The following ZFAND3 variants were observed in gnomAD, a reference collection of about 807,000 sequenced individuals.
The protein encoded by ZFAND3 is zinc finger AN1-type containing 3.
Under a neutral mutation model 29.6 loss-of-function variants are expected in ZFAND3, and 10 were observed. That is an observed-to-expected ratio of 0.34 (90% CI 0.21 to 0.57). The LOEUF (loss-of-function observed/expected upper bound fraction) is 0.57, where lower values mean the gene tolerates loss of function less well. Among genes scored for constraint, ZFAND3 ranks in the 20% least tolerant of loss-of-function variants. The probability of loss-of-function intolerance (pLI) is 0.86; values close to 1 mark genes in which losing one functional copy is unlikely to be tolerated. For synonymous variants in ZFAND3, 128 were observed against 112.6 expected, an observed-to-expected ratio of 1.14 and a Z score of -0.87; for missense variants, 230 against 304.5, an observed-to-expected ratio of 0.76 and a Z score of 1.82.
At chr6:37,829,126 C>T (rs1056418681) in intron 1 of ZFAND3, among the ~76,000 whole-genome samples, 1 of 152,056 alleles carries the variant, frequency 6.6e-6, no homozygotes, top group Non-Finnish European at 1.5e-5. Flanking sequence ...TAAAGGTATT[C>T]TCTTACGAAG....
chr6:37,896,729 T>G (rs2127399218), intron 1 of ZFAND3, among the ~76,000 whole-genome samples: 1 of 151,714 alleles, frequency 6.6e-6, no homozygotes, highest in African/African-American at 2.4e-5. Context: ...CTTATTGAGT[T>G]TTGGCATCAA....
intron 2 of ZFAND3, among the ~76,000 whole-genome samples, chr6:37,994,325 T>TTCTAC (rs1369986745): frequency 1.3e-5 from 2 of 152,174 alleles, no homozygotes; most frequent in African/African-American, 4.8e-5. Context: ...TTAGAATGGC[T>TTCTAC]TCTACTCACA....
chr6:37,830,289 T>C (rs1282352812), intron 1 of ZFAND3, among the ~76,000 whole-genome samples: 1 of 152,100 alleles, frequency 6.6e-6, no homozygotes, highest in Non-Finnish European at 1.5e-5. Flanking sequence ...CAGAGGAAAG[T>C]AGAATGGTGG....
chr6:38,145,545 C>T (rs1030833755), intron 5 of ZFAND3, among the ~76,000 whole-genome samples: 10 of 152,220 alleles, frequency 6.6e-5, no homozygotes, highest in African/African-American at 2.4e-4. Flanking sequence ...TGGATGAGAG[C>T]ATCTGAATGA....
chr6:37,860,095 TC>T (rs1764456348), intron 1 of ZFAND3, among the ~76,000 whole-genome samples: 1 of 149,160 alleles, frequency 6.7e-6, no homozygotes, highest in Non-Finnish European at 1.5e-5. Context: ...GGTCTCGAAC[TC>T]CTGACCTCAG....
rs80076867 is a variant in ZFAND3 at position 37,919,470 on chromosome 6, G to A, written c.72-10489G>A. ...ATTATTATTTAATATTTACCAAGCC[G>A]TTTTAAAAGTTATTGACCATGGTTT... On this transcript the variant is annotated intron_variant, in intron 1 of 5. Coordinates refer to ENST00000287218, the MANE Select transcript of ZFAND3 (RefSeq NM_021943.3). Among the ~76,000 whole-genome samples, 486 of 152,012 alleles carry A rather than the reference G, an allele frequency of 3.2e-3. 10 individuals are homozygous for A. The highest frequency in any genetic ancestry group is 0.027 in the East Asian group (138 of 5,176).
At chr6:38,095,758 C>T (rs777151348) in intron 4 of ZFAND3, among the ~76,000 whole-genome samples, 3 of 152,162 alleles carry the variant, frequency 2.0e-5, no homozygotes, top group South Asian at 4.1e-4. Flanking sequence ...CAGCCAGACA[C>T]GGTGGCTCAT....
intron 3 of ZFAND3, among the ~76,000 whole-genome samples, chr6:38,079,904 C>G (rs1764627305): frequency 6.6e-6 from 1 of 152,090 alleles, no homozygotes; most frequent in African/African-American, 2.4e-5. Flanking sequence ...CCAGGACTTT[C>G]TGGGTGTTGG....
chr6:37,991,869 C>G (rs1427791363), intron 2 of ZFAND3, among the ~76,000 whole-genome samples: 2 of 152,048 alleles, frequency 1.3e-5, no homozygotes, highest in Non-Finnish European at 2.9e-5. Flanking sequence ...CAATGAAATC[C>G]TACCAGAAGG....
Position 38,153,305 on chromosome 6 carries a change from AG to A in ZFAND3, c.*917del. Reference sequence around the variant, plus strand: ...CATTTCATAGCCAACAAGAATCAGTAGAAGTGCTGGGAGCAGCAGCTGGGGA... The same window carrying A: ...CATTTCATAGCCAACAAGAATCAGTAAAGTGCTGGGAGCAGCAGCTGGGGA... On this transcript the variant is annotated 3_prime_UTR_variant, in exon 6 of 6. Coordinates refer to ENST00000287218, the MANE Select transcript of ZFAND3 (RefSeq NM_021943.3). 1.0e-6 allele frequency: 1 copy of A among 985,518 alleles called. No homozygotes were observed. Among genetic ancestry groups the A allele is most frequent in the Non-Finnish European group, 1.2e-6 (1 of 829,968 alleles). 61.0% of individuals were successfully genotyped at this position (985,518 alleles called of 1,614,324 possible).
chr6:37,923,547 T>C (rs1029245284), intron 1 of ZFAND3, among the ~76,000 whole-genome samples: 1 of 152,234 alleles, frequency 6.6e-6, no homozygotes, highest in Non-Finnish European at 1.5e-5. Flanking sequence ...AATTACAGTC[T>C]AAAATAATGA....
chr6:37,983,638 C>T (rs533329747), intron 2 of ZFAND3, among the ~76,000 whole-genome samples: 3 of 152,100 alleles, frequency 2.0e-5, no homozygotes, highest in African/African-American at 4.8e-5. Flanking sequence ...GGATTACAGG[C>T]GTGAGCCACC....
chr6:38,011,192 G>A (rs1763146434), intron 2 of ZFAND3, among the ~76,000 whole-genome samples: 1 of 152,084 alleles, frequency 6.6e-6, no homozygotes, highest in Non-Finnish European at 1.5e-5. Flanking sequence ...ATTTACCACA[G>A]TTTGTTGAGC....
intron 5 of ZFAND3, among the ~76,000 whole-genome samples, chr6:38,121,900 C>T (rs1021620825): frequency 2.6e-5 from 4 of 152,172 alleles, no homozygotes; most frequent in Admixed American, 2.0e-4. Flanking sequence ...CTCTGCTCCT[C>T]GTGAAAAATT....
chr6:38,130,255 G>A (rs1765717420), intron 5 of ZFAND3, among the ~76,000 whole-genome samples: 1 of 152,162 alleles, frequency 6.6e-6, no homozygotes, highest in African/African-American at 2.4e-5. Context: ...TCATCCATCA[G>A]CAAACAGTGA....
At chr6:38,025,217 T>C (rs1763424867) in intron 2 of ZFAND3, among the ~76,000 whole-genome samples, 2 of 152,218 alleles carry the variant, frequency 1.3e-5, no homozygotes, top group South Asian at 4.1e-4. Context: ...ATTTTTCCTA[T>C]AGGAATTCAC....
At chr6:37,966,950 T>C (rs947993230) in intron 2 of ZFAND3, among the ~76,000 whole-genome samples, 1 of 152,184 alleles carries the variant, frequency 6.6e-6, no homozygotes, top group African/African-American at 2.4e-5. Context: ...TATTTCCTCA[T>C]GTGATGCAAG....
chr6:38,144,231 A>ATATTT (rs1365246829), intron 5 of ZFAND3, among the ~76,000 whole-genome samples: 5 of 75,280 alleles, frequency 6.6e-5, no homozygotes, highest in African/African-American at 2.1e-4. Flanking sequence ...ATATATATAT[A>ATATTT]TTTTTTTTTT....
chr6:38,029,902 TAAG>T (rs748673680), intron 2 of ZFAND3, among the ~76,000 whole-genome samples: 3 of 152,056 alleles, frequency 2.0e-5, no homozygotes, highest in Admixed American at 6.6e-5. Context: ...CAAATACAAA[TAAG>T]AAAAACATAA....
Sources: gnomAD v4.1 joint callset for allele counts (sites outside exome capture counted in the v4.1 genomes callset) on GRCh38, gnomAD v4.1.1 for gene constraint, MANE v1.5 for transcripts, NCBI Gene and HGNC (gene_info 2026-07-23, HGNC 2026-07-21) for gene names.